TBX1: variants seen among roughly 807,000 people sequenced by gnomAD.
TBX1 encodes T-box transcription factor 1, also known as T-box transcription factor TBX1.
In TBX1, 16 loss-of-function variants were observed where a neutral mutation model predicts 40.8. The observed-to-expected ratio is 0.39, with a 90% CI of 0.27 to 0.60. The LOEUF is 0.60. Among genes scored for constraint, TBX1 ranks in the 20% least tolerant of loss-of-function variants. The probability of loss-of-function intolerance (pLI) is 0.51; values close to 1 mark genes in which losing one functional copy is unlikely to be tolerated. For missense variants in TBX1, 755 were observed against 728.5 expected, an observed-to-expected ratio of 1.04 and a Z score of -0.42; for synonymous variants, 403 against 336.8, an observed-to-expected ratio of 1.20 and a Z score of -2.15.
At chr22:19,773,105 G>A (rs41300478) in intron 8 of TBX1, among the ~76,000 whole-genome samples, 4,171 of 152,364 alleles carry the variant, frequency 0.027, 82 homozygotes, top group South Asian at 0.046. Context: ...GAGCACGGGC[G>A]TTGAGCTGAG....
chr22:19,782,024 C>T (rs540643652), downstream of TBX1, among the ~76,000 whole-genome samples: 57 of 152,180 alleles, frequency 3.7e-4, no homozygotes, highest in African/African-American at 1.3e-3. Context: ...TTTACATCTG[C>T]CTTTATGCCA....
chr22:19,772,321 T>C (rs41300464), downstream of TBX1, among the ~76,000 whole-genome samples: 1 of 152,150 alleles, frequency 6.6e-6, no homozygotes, highest in South Asian at 2.1e-4. Flanking sequence ...TTTTTTTCTT[T>C]TTGAGACAGG....
At chr22:19,778,635 A>G (rs545938774) in intron 8 of TBX1, among the ~76,000 whole-genome samples, 7 of 151,764 alleles carry the variant, frequency 4.6e-5, no homozygotes, top group East Asian at 2.0e-4. Context: ...GGGCTTCACC[A>G]TGTTGGGCAG....
chr22:19,768,820 A>T (rs1239620843), downstream of TBX1, among the ~76,000 whole-genome samples: 4 of 152,158 alleles, frequency 2.6e-5, no homozygotes, highest in Non-Finnish European at 5.9e-5. Context: ...TGGGACACAC[A>T]GCAATGTGCA....
intron 8 of TBX1, among the ~76,000 whole-genome samples, chr22:19,772,976 G>A (rs1937012414): frequency 2.0e-5 from 3 of 152,224 alleles, no homozygotes; most frequent in Non-Finnish European, 4.4e-5. Context: ...AGGCTGGTGG[G>A]ATTCCTGCAC....
At chr22:19,780,776 G>GTTTTTTTTTT (rs564336679), downstream of TBX1, among the ~76,000 whole-genome samples, 88 of 119,082 alleles carry the variant, frequency 7.4e-4, 5 homozygotes, top group African/African-American at 1.3e-3. Context: ...CTTGTTTTCT[G>GTTTTTTTTTT]TTTTTTTTTT....
chr22:19,776,716 C>T (rs1371215656), intron 8 of TBX1, among the ~76,000 whole-genome samples: 1 of 152,196 alleles, frequency 6.6e-6, no homozygotes, highest in African/African-American at 2.4e-5. Context: ...GGCTGGTAGC[C>T]GACGTCCATG....
chr22:19,783,016 C>A, downstream of TBX1: 1 of 1,015,916 alleles, frequency 9.8e-7, no homozygotes, highest in Non-Finnish European at 1.6e-6. Flanking sequence ...ACTGCAAGGA[C>A]ACTTGAAGGT....
downstream of TBX1, chr22:19,779,667 T>A: frequency 1.2e-6 from 1 of 806,436 alleles, no homozygotes; most frequent in Non-Finnish European, 1.8e-6. Flanking sequence ...TCTAAATATT[T>A]AATGGAAACT....
downstream of TBX1, among the ~76,000 whole-genome samples, chr22:19,770,692 C>G (rs1050479204): frequency 1.3e-5 from 2 of 152,182 alleles, no homozygotes; most frequent in Non-Finnish European, 2.9e-5. Flanking sequence ...GGGATCCATG[C>G]GATGACAGTT....
intron 8 of TBX1, among the ~76,000 whole-genome samples, chr22:19,772,399 G>A (rs1428126252): frequency 6.6e-6 from 1 of 152,072 alleles, no homozygotes; most frequent in Non-Finnish European, 1.5e-5. Context: ...TCGAACTCCG[G>A]GGCTCAAGCC....
In TBX1 at chr22:19,761,284, A is replaced by G; in HGVS notation, c.437+4A>G. 1 of 1,544,010 alleles carries G rather than the reference A, an allele frequency of 6.5e-7. No homozygotes were observed. Among genetic ancestry groups the G allele is most frequent in the Non-Finnish European group, 8.8e-7 (1 of 1,142,532 alleles). On this transcript the variant is annotated splice_donor_region_variant and intron_variant, in intron 1 of 6. Transcript: ENST00000649276. ...TGATCGTCACCAAGGCCGGCAGGTCAGGGCGCCCCTCCCCACGCCGCGACC... is the reference window on the plus strand; with the variant it reads ...TGATCGTCACCAAGGCCGGCAGGTCGGGGCGCCCCTCCCCACGCCGCGACC...
rs1342126853 is a variant in TBX1, at chr22:19,761,297, C to T, written c.437+17C>T. The T allele has an allele frequency of 6.5e-7, 1 of 1,537,114 alleles. No homozygotes were observed. The highest frequency in any genetic ancestry group is 8.8e-7 in the Non-Finnish European group (1 of 1,138,734). On this transcript the variant is annotated intron_variant, in intron 1 of 6. Coordinates refer to ENST00000649276, the MANE Select transcript of TBX1 (RefSeq NM_001379200.1). ...GGCCGGCAGGTCAGGGCGCCCCTCC[C>T]CACGCCGCGACCCTCCCCACGTGCT...
chr22:19,757,329 G>C (rs903073752), upstream of TBX1, among the ~76,000 whole-genome samples: 3 of 152,162 alleles, frequency 2.0e-5, no homozygotes, highest in African/African-American at 4.8e-5. Flanking sequence ...GGCTGGAAGG[G>C]CTCTGCTCCT....
At chr22:19,772,651 T>A (rs1219366719) in intron 8 of TBX1, among the ~76,000 whole-genome samples, 1 of 152,224 alleles carries the variant, frequency 6.6e-6, no homozygotes, top group Admixed American at 6.5e-5. Context: ...CCTCCGTTTC[T>A]GAATTCATCC....
downstream of TBX1, among the ~76,000 whole-genome samples, chr22:19,771,959 C>T (rs138022251): frequency 3.0e-3 from 459 of 152,372 alleles, 3 homozygotes; most frequent in African/African-American, 0.01. Context: ...CGGCTTCTGT[C>T]TCCAGCCCTT....
At chr22:19,759,438 C>T (rs1936566541), upstream of TBX1, 2 of 1,372,192 alleles carry the variant, frequency 1.5e-6, no homozygotes, top group African/African-American at 1.5e-5. Context: ...GGGCTGGGCG[C>T]GGTGCGGCTG....
chr22:19,767,406 T>C, downstream of TBX1: 4 of 985,542 alleles, frequency 4.1e-6, no homozygotes, highest in Non-Finnish European at 4.8e-6. Flanking sequence ...GAGCCCGGGG[T>C]AGCTCAGGGC....
Position 19,766,597 on chromosome 22 carries a change from C to T in TBX1, c.1245C>T (p.Gly415=), listed in dbSNP as rs780344405. The T allele has an allele frequency of 2.7e-6, 4 of 1,490,352 alleles. No homozygotes were observed. The highest frequency in any genetic ancestry group is 1.4e-5 in the African/African-American group (1 of 69,000). 92.3% of individuals were successfully genotyped at this position (1,490,352 alleles called of 1,614,324 possible). The stretch of plus-strand genomic sequence containing the variant: ...CCGAGCTGCGCCTGGAGGCGCCCGG[C>T]GCATCGGAGCCGCTGCACCACCACC... ...PNPELRLEAP[G]ASEPLHHHPY... Residue 415 remains glycine, a synonymous_variant, in exon 7 of 7, where the codon GGC becomes GGT. Transcript: ENST00000649276.
Sources: gnomAD v4.1 joint callset for allele counts (sites outside exome capture counted in the v4.1 genomes callset) on GRCh38, gnomAD v4.1.1 for gene constraint, MANE v1.5 for transcripts, NCBI Gene and HGNC (gene_info 2026-07-23, HGNC 2026-07-21) for gene names.